The following ASTN2 variants were observed in gnomAD, a reference collection of about 807,000 sequenced individuals.
The protein encoded by ASTN2 is astrotactin-2.
ASTN2 carries 54 observed loss-of-function variants against 139.8 expected under a neutral mutation model. That is an observed-to-expected ratio of 0.39 (90% CI 0.31 to 0.48). The LOEUF (loss-of-function observed/expected upper bound fraction) is 0.48. Ranked by LOEUF, ASTN2 falls within the 20% of genes least tolerant of loss-of-function variation. The pLI, the probability that ASTN2 is intolerant of heterozygous loss-of-function variation, is 0.95. For missense variants in ASTN2, 1,565 were observed against 1,725.1 expected, an observed-to-expected ratio of 0.91 and a Z score of 1.64; for synonymous variants, 756 against 719.5, an observed-to-expected ratio of 1.05 and a Z score of -0.81.
chr9:117,043,852 G>C (rs1443726187), intron 5 of ASTN2, among the ~76,000 whole-genome samples: 3 of 147,102 alleles, frequency 2.0e-5, no homozygotes, highest in African/African-American at 7.6e-5. Flanking sequence ...AGGTTGCAAT[G>C]AGCTGAGATC....
chr9:116,958,955 T>C (rs1463907999), intron 10 of ASTN2, among the ~76,000 whole-genome samples: 1 of 152,054 alleles, frequency 6.6e-6, no homozygotes, highest in East Asian at 1.9e-4. Flanking sequence ...GACTGCCATG[T>C]GGGGCCTCAA....
At chr9:116,656,474 C>A (rs1167546103) in intron 16 of ASTN2, among the ~76,000 whole-genome samples, 1 of 152,100 alleles carries the variant, frequency 6.6e-6, no homozygotes, top group Non-Finnish European at 1.5e-5. Context: ...GTGTCTTTAA[C>A]AGGCCAAGGA....
chr9:117,168,586 G>A (rs1830720486), intron 3 of ASTN2, among the ~76,000 whole-genome samples: 1 of 152,096 alleles, frequency 6.6e-6, no homozygotes, highest in Non-Finnish European at 1.5e-5. Flanking sequence ...GTAGAACAAT[G>A]CCTATAATCC....
chr9:116,757,792 G>T (rs980515362), intron 13 of ASTN2, among the ~76,000 whole-genome samples: 1 of 152,070 alleles, frequency 6.6e-6, no homozygotes, highest in Non-Finnish European at 1.5e-5. Flanking sequence ...ATGGCTGATT[G>T]GCCCAGTGGA....
At chr9:116,716,422 G>A (rs902294216) in intron 16 of ASTN2, among the ~76,000 whole-genome samples, 13 of 152,110 alleles carry the variant, frequency 8.5e-5, no homozygotes, top group Admixed American at 3.3e-4. Context: ...GCCAAACCAT[G>A]TTTCTACCTG....
chr9:116,877,494 A>G (rs1291115439), intron 10 of ASTN2, among the ~76,000 whole-genome samples: 2 of 152,192 alleles, frequency 1.3e-5, no homozygotes, highest in Non-Finnish European at 2.9e-5. Flanking sequence ...CTATGCCCCT[A>G]TCTATACCTA....
At chr9:117,245,829 C>G (rs916657119) in intron 2 of ASTN2, among the ~76,000 whole-genome samples, 2 of 152,138 alleles carry the variant, frequency 1.3e-5, no homozygotes, top group South Asian at 2.1e-4. Flanking sequence ...GGTCTCTGCT[C>G]TTTAGGTCCT....
intron 7 of ASTN2, among the ~76,000 whole-genome samples, chr9:116,993,224 T>C (rs1336569765): frequency 2.0e-5 from 3 of 152,138 alleles, no homozygotes; most frequent in Non-Finnish European, 4.4e-5. Context: ...AATATCCTTC[T>C]AGTACCCAGT....
chr9:117,340,331 C>CAAAAA (rs56228779), intron 1 of ASTN2, among the ~76,000 whole-genome samples: 4 of 40,208 alleles, frequency 9.9e-5, no homozygotes, highest in African/African-American at 2.1e-4. Context: ...GACTCAGTCT[C>CAAAAA]AAAAAAAAAA....
chr9:117,180,627 CTTTTTTTTT>C (rs372662181), intron 3 of ASTN2: 7 of 939,632 alleles, frequency 7.4e-6, no homozygotes, highest in Non-Finnish European at 9.3e-6. Flanking sequence ...TCTGGAGTAT[CTTTTTTTTT>C]TTTTTTTTGG....
At chr9:117,262,169 A>G (rs528171043) in intron 2 of ASTN2, among the ~76,000 whole-genome samples, 4 of 151,906 alleles carry the variant, frequency 2.6e-5, no homozygotes, top group East Asian at 3.9e-4. Flanking sequence ...GGGATCATCA[A>G]TTTTTTTTGG....
chr9:116,988,625 C>A (rs372827410), intron 7 of ASTN2, among the ~76,000 whole-genome samples: 2 of 152,222 alleles, frequency 1.3e-5, no homozygotes, highest in Middle Eastern at 3.4e-3. Flanking sequence ...AGCAAGAAAG[C>A]AACAGGGTCA....
intron 5 of ASTN2, among the ~76,000 whole-genome samples, chr9:117,077,167 T>C (rs1828303604): frequency 1.3e-5 from 2 of 152,020 alleles, no homozygotes; most frequent in Non-Finnish European, 2.9e-5. Context: ...ACACAATCAA[T>C]ATGAACCAGG....
chr9:116,566,534 C>T (rs973927764), intron 19 of ASTN2, among the ~76,000 whole-genome samples: 1 of 152,170 alleles, frequency 6.6e-6, no homozygotes, highest in Non-Finnish European at 1.5e-5. Flanking sequence ...AGGTTAGGTG[C>T]TTAGAAAATA....
At chr9:117,252,054 C>T (rs996370982) in intron 2 of ASTN2, among the ~76,000 whole-genome samples, 1 of 152,152 alleles carries the variant, frequency 6.6e-6, no homozygotes, top group Non-Finnish European at 1.5e-5. Flanking sequence ...AAATTATATT[C>T]TCTATAGGTT....
intron 2 of ASTN2, among the ~76,000 whole-genome samples, chr9:117,233,903 T>C (rs1035979536): frequency 6.6e-6 from 1 of 152,154 alleles, no homozygotes; most frequent in South Asian, 2.1e-4. Context: ...AAAAAATATA[T>C]AGGTTAATTC....
intron 10 of ASTN2, among the ~76,000 whole-genome samples, chr9:116,906,594 AAAG>A (rs1445405274): frequency 2.0e-5 from 3 of 152,184 alleles, no homozygotes; most frequent in East Asian, 1.9e-4. Context: ...TTTTAAAGTA[AAAG>A]AAGAATGGTT....
intron 19 of ASTN2, among the ~76,000 whole-genome samples, chr9:116,610,303 T>TA (rs1460406591): frequency 2.0e-5 from 3 of 152,126 alleles, no homozygotes; most frequent in Non-Finnish European, 4.4e-5. Context: ...AAAGCAATGA[T>TA]AGTATAAAAG....
chr9:117,096,273 C>T, intron 4 of ASTN2, 122 bp from the exon 5 acceptor site: 1 of 733,824 alleles, frequency 1.4e-6, no homozygotes, highest in Non-Finnish European at 2.3e-6. Context: ...CCCAAGCAAC[C>T]CAGGAGTCAG....
Sources: gnomAD v4.1 joint callset for allele counts (sites outside exome capture counted in the v4.1 genomes callset) on GRCh38, gnomAD v4.1.1 for gene constraint, MANE v1.5 for transcripts, NCBI Gene and HGNC (gene_info 2026-07-23, HGNC 2026-07-21) for gene names.